The following PRKG1 variants were observed in gnomAD, a reference collection of about 807,000 sequenced individuals.
The protein encoded by PRKG1 is protein kinase cGMP-dependent 1.
PRKG1 carries 35 observed loss-of-function variants against 88.1 expected under a neutral mutation model. That is an observed-to-expected ratio of 0.40 (90% CI 0.30 to 0.53). The LOEUF is 0.53. PRKG1 is among the 20% of genes least tolerant of loss of function. PRKG1 has a pLI of 0.59. For synonymous variants in PRKG1, 303 were observed against 292.5 expected (o/e 1.04, Z -0.37); for missense variants, 540 against 839.8 (o/e 0.64, Z 4.41).
At chr10:51,303,287 A>T (rs1840942157) in intron 2 of PRKG1, among the ~76,000 whole-genome samples, 1 of 146,218 alleles carries the variant, frequency 6.8e-6, no homozygotes, top group Non-Finnish European at 1.5e-5. Flanking sequence ...TTTTAATATG[A>T]ATAATACAAT....
At chr10:52,292,570 T>A (rs1269300452) in intron 17 of PRKG1, among the ~76,000 whole-genome samples, 1 of 151,924 alleles carries the variant, frequency 6.6e-6, no homozygotes, top group Non-Finnish European at 1.5e-5. Context: ...ATCAGATAGT[T>A]GTAGATATGC....
At chr10:52,013,438 A>G (rs929199638) in intron 5 of PRKG1, among the ~76,000 whole-genome samples, 1 of 150,250 alleles carries the variant, frequency 6.7e-6, no homozygotes, top group African/African-American at 2.5e-5. Flanking sequence ...AAAAAGAAAG[A>G]TGGTTGGGAG....
At chr10:51,648,661 AT>A (rs985870822) in intron 3 of PRKG1, among the ~76,000 whole-genome samples, 31 of 151,036 alleles carry the variant, frequency 2.1e-4, no homozygotes, top group African/African-American at 7.5e-4. Flanking sequence ...TTCTTTGAAC[AT>A]TTTTTTTTAA....
At chr10:51,398,463 GC>G (rs1184628185) in intron 2 of PRKG1, among the ~76,000 whole-genome samples, 1 of 152,112 alleles carries the variant, frequency 6.6e-6, no homozygotes, top group Admixed American at 6.5e-5. Flanking sequence ...TGGGGTCCAC[GC>G]CCCAGGATTT....
chr10:51,255,915 GC>G (rs1839546382), intron 2 of PRKG1, among the ~76,000 whole-genome samples: 1 of 152,060 alleles, frequency 6.6e-6, no homozygotes, highest in Non-Finnish European at 1.5e-5. Flanking sequence ...ATCCGTCATA[GC>G]CACCTCCTTT....
upstream of PRKG1, among the ~76,000 whole-genome samples, chr10:51,072,803 C>CACTTT (rs1368667759): frequency 1.5e-4 from 23 of 152,228 alleles, no homozygotes; most frequent in Admixed American, 4.6e-4. Context: ...AATGAACAAG[C>CACTTT]TTGTTAAGAT....
At chr10:51,083,808 C>T (rs1376671746) in intron 1 of PRKG1, among the ~76,000 whole-genome samples, 2 of 152,180 alleles carry the variant, frequency 1.3e-5, no homozygotes, top group Non-Finnish European at 1.5e-5. Context: ...CTATTGCCAG[C>T]TCTGTGTGTC....
intron 4 of PRKG1, among the ~76,000 whole-genome samples, chr10:51,836,592 A>G (rs954315449): frequency 2.6e-5 from 4 of 152,114 alleles, no homozygotes; most frequent in African/African-American, 9.7e-5. Context: ...ATTTTTGCAT[A>G]AGGAGTGAGA....
At chr10:51,798,069 T>C (rs1357135475) in intron 3 of PRKG1, among the ~76,000 whole-genome samples, 1 of 152,090 alleles carries the variant, frequency 6.6e-6, no homozygotes, top group Non-Finnish European at 1.5e-5. Flanking sequence ...TCTGGGTTAT[T>C]TTAACCTTCA....
At chr10:51,281,451 A>G (rs551598602) in intron 2 of PRKG1, among the ~76,000 whole-genome samples, 20 of 152,302 alleles carry the variant, frequency 1.3e-4, no homozygotes, top group Non-Finnish European at 2.4e-4. Flanking sequence ...CCATGCCCAC[A>G]GAGCCTCGCT....
At chr10:51,917,318 C>CAAA (rs1288522303) in intron 5 of PRKG1, among the ~76,000 whole-genome samples, 960 of 69,484 alleles carry the variant, frequency 0.014, 15 homozygotes, top group African/African-American at 0.035. Flanking sequence ...GACTCCATCT[C>CAAA]AAAAAAAAAA....
chr10:51,510,033 T>C (rs1191398856), intron 3 of PRKG1, among the ~76,000 whole-genome samples: 1 of 152,178 alleles, frequency 6.6e-6, no homozygotes, highest in Admixed American at 6.6e-5. Context: ...CATAGATCAA[T>C]TGACAGCAAC....
intron 4 of PRKG1, among the ~76,000 whole-genome samples, chr10:51,895,709 C>T (rs933824603): frequency 6.6e-6 from 1 of 152,074 alleles, no homozygotes; most frequent in African/African-American, 2.4e-5. Flanking sequence ...CTATTGGTCT[C>T]AGGGTTTTTG....
intron 2 of PRKG1, among the ~76,000 whole-genome samples, chr10:51,415,187 C>CAGAGA (rs1183530001): frequency 6.6e-6 from 1 of 152,196 alleles, no homozygotes; most frequent in Non-Finnish European, 1.5e-5. Context: ...TCTGCAGTAG[C>CAGAGA]ATCCGTTTAG....
chr10:51,253,769 C>T (rs1839485303), intron 2 of PRKG1, among the ~76,000 whole-genome samples: 1 of 151,902 alleles, frequency 6.6e-6, no homozygotes, highest in African/African-American at 2.4e-5. Context: ...GATGGAAAGA[C>T]TTTAGAACTT....
chr10:51,034,227 T>A (rs559998622), intron 1 of PRKG1, among the ~76,000 whole-genome samples: 5 of 152,198 alleles, frequency 3.3e-5, no homozygotes. Context: ...TTCATCTGAG[T>A]TTAAAAATGT....
intron 4 of PRKG1, among the ~76,000 whole-genome samples, chr10:51,870,085 A>T (rs570059895): frequency 6.6e-6 from 1 of 152,112 alleles, no homozygotes; most frequent in African/African-American, 2.4e-5. Context: ...TTCCAAGTTT[A>T]AAAAAAAGTC....
At chr10:52,154,216 A>G (rs1838023181) in intron 8 of PRKG1, among the ~76,000 whole-genome samples, 1 of 152,316 alleles carries the variant, frequency 6.6e-6, no homozygotes, top group Admixed American at 6.5e-5. Flanking sequence ...TTAGCAAACT[A>G]ATCTTAAAAT....
chr10:51,879,419 C>G (rs959411075), intron 4 of PRKG1, among the ~76,000 whole-genome samples: 4 of 152,128 alleles, frequency 2.6e-5, no homozygotes, highest in African/African-American at 7.2e-5. Flanking sequence ...CAAACACATA[C>G]AGAACTATGA....
Sources: allele counts gnomAD v4.1 joint callset (sites outside exome capture counted in the v4.1 genomes callset), GRCh38; gene constraint gnomAD v4.1.1; transcripts MANE v1.5; gene names NCBI Gene and HGNC (gene_info 2026-07-23, HGNC 2026-07-21).